WDR70: variants seen among roughly 807,000 people sequenced by gnomAD.
The protein encoded by WDR70 is WD repeat domain 70.
A neutral mutation model predicts 88.6 loss-of-function variants in WDR70; 53 were observed. That is an observed-to-expected ratio of 0.60 (90% confidence interval 0.48 to 0.75). The LOEUF is 0.75. Among genes scored for constraint, WDR70 ranks in the 30% least tolerant of loss-of-function variants. WDR70 has a pLI of 0.00. For missense variants in WDR70, 610 were observed against 823.2 expected (o/e 0.74, Z 3.17); for synonymous variants, 280 against 270.0 (o/e 1.04, Z -0.36).
intron 10 of WDR70, among the ~76,000 whole-genome samples, chr5:37,637,339 T>TTAATTAAA (rs1554160629): frequency 6.9e-6 from 1 of 145,036 alleles, no homozygotes; most frequent in Non-Finnish European, 1.5e-5. Context: ...AATAAATAAA[T>TTAATTAAA]TAAATAAATA....
chr5:37,579,586 A>AC (rs1743161644), intron 9 of WDR70, among the ~76,000 whole-genome samples: 1 of 150,076 alleles, frequency 6.7e-6, no homozygotes, highest in African/African-American at 2.4e-5. Flanking sequence ...CTGTCTCAAA[A>AC]AAAAAAAAAA....
intron 6 of WDR70, among the ~76,000 whole-genome samples, chr5:37,441,272 A>C (rs1294844216): frequency 6.6e-6 from 1 of 152,170 alleles, no homozygotes; most frequent in Non-Finnish European, 1.5e-5. Flanking sequence ...TTTTTAAGAC[A>C]TTATTGTTCG....
intron 6 of WDR70, among the ~76,000 whole-genome samples, chr5:37,439,067 G>A (rs530949120): frequency 2.0e-5 from 3 of 151,902 alleles, no homozygotes; most frequent in South Asian, 2.1e-4. Flanking sequence ...ACAGGTGCCC[G>A]CCACCACACC....
chr5:37,721,099 C>T lies in WDR70; in HGVS notation c.1417-16C>T, dbSNP rs773584649. The T allele has an allele frequency of 2.5e-5, 41 of 1,612,422 alleles. No individual in the cohort carries two copies. Among genetic ancestry groups the T allele is most frequent in the East Asian group, 6.7e-5 (3 of 44,878 alleles). On this transcript the variant is annotated splice_polypyrimidine_tract_variant and intron_variant, in intron 13 of 17. Coordinates refer to ENST00000265107, the MANE Select transcript of WDR70 (RefSeq NM_018034.4). ...ATCTGGCCTCTTTAGTCAACCACTG[C>T]GCTTTTCCTTTGCAGAGTGTTGTTC...
intron 5 of WDR70, among the ~76,000 whole-genome samples, chr5:37,417,878 T>C (rs545159619): frequency 6.6e-6 from 1 of 152,320 alleles, no homozygotes; most frequent in South Asian, 2.1e-4. Context: ...TATTCAGCAG[T>C]AAACTCTGGT....
At chr5:37,414,677 A>T (rs1185113692) in intron 5 of WDR70, among the ~76,000 whole-genome samples, 3 of 151,728 alleles carry the variant, frequency 2.0e-5, no homozygotes, top group African/African-American at 7.3e-5. Context: ...TACTCAAGAA[A>T]TATTAGTTGA....
At chr5:37,564,000 G>C (rs910469454) in intron 9 of WDR70, among the ~76,000 whole-genome samples, 8 of 148,888 alleles carry the variant, frequency 5.4e-5, no homozygotes, top group African/African-American at 2.0e-4. Flanking sequence ...TCACTTCCTA[G>C]ATGGGATGGC....
At chr5:37,735,343 C>T (rs1262224984) in intron 17 of WDR70, among the ~76,000 whole-genome samples, 1 of 152,154 alleles carries the variant, frequency 6.6e-6, no homozygotes, top group Non-Finnish European at 1.5e-5. Context: ...AGCATAATAG[C>T]AGCTCTTGCA....
chr5:37,700,784 T>A (rs968344851), intron 11 of WDR70, among the ~76,000 whole-genome samples: 2 of 152,222 alleles, frequency 1.3e-5, no homozygotes, highest in African/African-American at 4.8e-5. Flanking sequence ...TACATCTATC[T>A]GGAAAGTAAT....
chr5:37,702,233 A>G (rs1213802235), intron 12 of WDR70, among the ~76,000 whole-genome samples: 1 of 152,226 alleles, frequency 6.6e-6, no homozygotes, highest in Non-Finnish European at 1.5e-5. Flanking sequence ...ATAGCTGATG[A>G]TAATTTTTTG....
chr5:37,416,256 C>T (rs1749744976), intron 5 of WDR70, among the ~76,000 whole-genome samples: 1 of 152,248 alleles, frequency 6.6e-6, no homozygotes, highest in Non-Finnish European at 1.5e-5. Context: ...CGTCTGCAAT[C>T]CCGGCACCTC....
At chr5:37,678,645 C>A (rs1166274032) in intron 10 of WDR70, among the ~76,000 whole-genome samples, 1 of 152,220 alleles carries the variant, frequency 6.6e-6, no homozygotes, top group African/African-American at 2.4e-5. Context: ...CCCAACCTTT[C>A]TCTCTGGCTG....
At chr5:37,509,965 G>A (rs1740672023) in intron 8 of WDR70, among the ~76,000 whole-genome samples, 1 of 151,716 alleles carries the variant, frequency 6.6e-6, no homozygotes, top group African/African-American at 2.4e-5. Context: ...GGGAGGGTGA[G>A]GTGGGAGGAT....
intron 9 of WDR70, among the ~76,000 whole-genome samples, chr5:37,599,194 A>G (rs777687998): frequency 1.3e-5 from 2 of 152,266 alleles, no homozygotes; most frequent in Non-Finnish European, 2.9e-5. Flanking sequence ...ATATTAAGAT[A>G]TTAAAATTCA....
At chr5:37,633,551 C>T (rs1744875988) in intron 10 of WDR70, among the ~76,000 whole-genome samples, 1 of 151,292 alleles carries the variant, frequency 6.6e-6, no homozygotes, top group Admixed American at 6.6e-5. Flanking sequence ...GGAGGTTTGC[C>T]TATAAACCAT....
At chr5:37,457,761 G>T (rs144130623) in intron 7 of WDR70, among the ~76,000 whole-genome samples, 4 of 152,148 alleles carry the variant, frequency 2.6e-5, no homozygotes, top group Non-Finnish European at 5.9e-5. Context: ...AGTACAGACT[G>T]TGACCAGTGG....
At chr5:37,468,670 A>G (rs1193044994) in intron 7 of WDR70, among the ~76,000 whole-genome samples, 5 of 152,140 alleles carry the variant, frequency 3.3e-5, no homozygotes, top group African/African-American at 4.8e-5. Flanking sequence ...TCATCCTACT[A>G]TGCAATAGGA....
At chr5:37,438,899 TCCTCATTCG>T (rs1750565559) in intron 6 of WDR70, among the ~76,000 whole-genome samples, 1 of 128,996 alleles carries the variant, frequency 7.8e-6, no homozygotes, top group Non-Finnish European at 1.6e-5. Context: ...CTCTTTGGAG[TCCTCATTCG>T]TTTTTTTTTT....
At chr5:37,579,732 T>A (rs1021993154) in intron 9 of WDR70, among the ~76,000 whole-genome samples, 2 of 152,194 alleles carry the variant, frequency 1.3e-5, no homozygotes, top group African/African-American at 4.8e-5. Context: ...AGCATGGTAT[T>A]TTCTTTCTTA....
Sources: allele counts gnomAD v4.1 joint callset (sites outside exome capture counted in the v4.1 genomes callset), GRCh38; gene constraint gnomAD v4.1.1; transcripts MANE v1.5; gene names NCBI Gene and HGNC (gene_info 2026-07-23, HGNC 2026-07-21).